Variants in RYR2 observed in about 807,000 individuals in gnomAD.
RYR2 encodes the protein ryanodine receptor 2, also known as cardiac muscle ryanodine receptor-calcium release channel.
Under a neutral mutation model 601.1 loss-of-function variants are expected in RYR2, and 227 were observed. The ratio of observed to expected loss-of-function variants is 0.38; its 90% CI spans 0.34 to 0.42. The LOEUF (loss-of-function observed/expected upper bound fraction) is 0.42. RYR2 is among the 10% of genes least tolerant of loss of function. The probability of loss-of-function intolerance (pLI) is 1.00; values close to 1 mark genes in which losing one functional copy is unlikely to be tolerated. For missense variants in RYR2, 4,646 were observed against 6,156.5 expected (o/e 0.75, Z 8.21); for synonymous variants, 2,223 against 2,175.1 (o/e 1.02, Z -0.61).
chr1:237,383,105 G>T (rs1701671927), intron 8 of RYR2, among the ~76,000 whole-genome samples: 1 of 151,746 alleles, frequency 6.6e-6, no homozygotes, highest in Non-Finnish European at 1.5e-5. Context: ...AGAGATTCTT[G>T]GTACGAAGTT....
At chr1:237,059,291 C>T (rs747618062) in intron 1 of RYR2, among the ~76,000 whole-genome samples, 1 of 152,010 alleles carries the variant, frequency 6.6e-6, no homozygotes, top group Admixed American at 6.6e-5. Context: ...TGCCATCTAA[C>T]GTGAATAATG....
rs1449894425 is a variant in RYR2 at position 237,819,978 on chromosome 1, G to C, written c.14590+786G>C. On this transcript the variant is annotated intron_variant, in intron 101 of 104. Transcript: ENST00000366574. This position sits in a 1 kb window ranked among gnomAD's most constrained non-coding sequence, Gnocchi z 4.0. The stretch of plus-strand genomic sequence containing the variant: ...GAGGTGGGTGGATCACTTGAGGTCT[G>C]GAGTTCAAGACCAGCCTGGCCAATG... Among the ~76,000 whole-genome samples the C allele has an allele frequency of 6.6e-6, 1 of 152,088 alleles. No individual in the cohort carries two copies. Among genetic ancestry groups the C allele is most frequent in the East Asian group, 1.9e-4 (1 of 5,180 alleles).
intron 63 of RYR2, among the ~76,000 whole-genome samples, chr1:237,694,151 G>A (rs968492579): frequency 2.6e-5 from 4 of 151,860 alleles, no homozygotes; most frequent in South Asian, 2.1e-4. Context: ...AAAATTAGCC[G>A]GGCGTGGTGG....
intron 2 of RYR2, among the ~76,000 whole-genome samples, chr1:237,319,442 T>C (rs1485716854): frequency 6.6e-6 from 1 of 152,214 alleles, no homozygotes; most frequent in Non-Finnish European, 1.5e-5. Flanking sequence ...ATGTCTCTAT[T>C]GAAGGTTATT....
chr1:237,360,880 T>G (rs903379341), intron 4 of RYR2, among the ~76,000 whole-genome samples: 2 of 152,150 alleles, frequency 1.3e-5, no homozygotes, highest in Non-Finnish European at 2.9e-5. Context: ...TTCCATAGGA[T>G]TTATATAGAT....
chr1:237,792,238 G>C lies in RYR2; in HGVS notation c.13697G>C (p.Gly4566Ala). 1 of 1,613,824 alleles carries C rather than the reference G, an allele frequency of 6.2e-7. No homozygotes were observed. Among genetic ancestry groups the C allele is most frequent in the East Asian group, 2.2e-5 (1 of 44,868 alleles). Residue 4566 changes from glycine to alanine, a missense_variant, in exon 94 of 105, where the codon GGC becomes GCC. Physicochemically the swap from Gly to Ala is moderately conservative, Grantham distance 60 (BLOSUM62 0). Transcript: ENST00000366574. ...CACTATGTACTAGAGGAGAGCAGCG[G>C]CTACATGGAGCCCACGTTGCGTATC... ...AVHYVLEESS[G>A]YMEPTLRILA...
At chr1:237,445,293 T>G in intron 13 of RYR2, 108 bp from the exon 14 acceptor site, 2 of 1,418,656 alleles carry the variant, frequency 1.4e-6, no homozygotes, top group South Asian at 2.6e-5. Flanking sequence ...GTACCTGCCT[T>G]TTGATTCTAT....
intron 103 of RYR2, among the ~76,000 whole-genome samples, chr1:237,831,282 C>T: frequency 6.6e-6 from 1 of 152,106 alleles, no homozygotes; most frequent in East Asian, 1.9e-4. Context: ...TGATTCTGAC[C>T]AGTGTGTATA....
chr1:237,672,889 A>G (rs1685080391), intron 58 of RYR2, among the ~76,000 whole-genome samples: 1 of 152,166 alleles, frequency 6.6e-6, no homozygotes, highest in African/African-American at 2.4e-5. Flanking sequence ...CTTGACCAGC[A>G]CCTTCCATGT....
chr1:237,590,050 A>C, intron 30 of RYR2, 49 bp downstream of exon 30: 1 of 1,526,224 alleles, frequency 6.6e-7, no homozygotes, highest in East Asian at 2.3e-5. Flanking sequence ...GCAGGAAAAG[A>C]ATATCTTTAT....
chr1:237,393,449 G>C (rs1702558096), intron 10 of RYR2, among the ~76,000 whole-genome samples: 1 of 152,150 alleles, frequency 6.6e-6, no homozygotes, highest in African/African-American at 2.4e-5. Flanking sequence ...TCTCCATCTG[G>C]CTTAGAAAGA....
chr1:237,209,839 G>C (rs1476605569), intron 1 of RYR2, among the ~76,000 whole-genome samples: 1 of 152,140 alleles, frequency 6.6e-6, no homozygotes, highest in Non-Finnish European at 1.5e-5. Context: ...CTAGGTGACA[G>C]AGCAAGATCT....
chr1:237,776,302 C>T (rs1694653739), intron 87 of RYR2, among the ~76,000 whole-genome samples: 1 of 152,098 alleles, frequency 6.6e-6, no homozygotes, highest in Non-Finnish European at 1.5e-5. Flanking sequence ...AACTATAAAG[C>T]TACTATATCT....
At chr1:237,573,220 A>G (rs976282356) in intron 29 of RYR2, among the ~76,000 whole-genome samples, 9 of 105,554 alleles carry the variant, frequency 8.5e-5, no homozygotes, top group Non-Finnish European at 1.9e-4. Context: ...TTATCTATGG[A>G]GATATACACA....
Position 237,819,149 on chromosome 1 carries a change from T to A in RYR2, c.14547T>A (p.Thr4849=), listed in dbSNP as rs1211155802. Residue 4849 remains threonine (T), a synonymous_variant, in exon 101 of 105, where the codon ACT becomes ACA. Transcript: ENST00000366574. This position sits in a 1 kb window ranked among gnomAD's most constrained non-coding sequence, Gnocchi z 4.0. ...YEIYRIIFDI[T]FFFFVIVILL... is the part of the protein sequence containing the mutation. ...TCTATCGAATCATCTTTGACATCAC[T>A]TTCTTCTTCTTTGTTATTGTCATTC... is the stretch of plus-strand genomic sequence containing the variant. 1 of 1,613,732 alleles carries A rather than the reference T, an allele frequency of 6.2e-7. No individual in the cohort carries two copies. Among genetic ancestry groups the A allele is most frequent in the Non-Finnish European group, 8.5e-7 (1 of 1,179,756 alleles).
chr1:237,412,915 G>A (rs2150007353), intron 10 of RYR2, among the ~76,000 whole-genome samples: 1 of 152,194 alleles, frequency 6.6e-6, no homozygotes. Flanking sequence ...TAGAACAATT[G>A]TCCTCCTAGA....
At chr1:237,174,213 A>T (rs1306118004) in intron 1 of RYR2, among the ~76,000 whole-genome samples, 1 of 152,212 alleles carries the variant, frequency 6.6e-6, no homozygotes, top group Non-Finnish European at 1.5e-5. Context: ...GAAGGTGTAT[A>T]GTGAGGTTAG....
At chr1:237,618,894 A>G (rs564917573) in intron 38 of RYR2, among the ~76,000 whole-genome samples, 1 of 152,308 alleles carries the variant, frequency 6.6e-6, no homozygotes, top group African/African-American at 2.4e-5. Flanking sequence ...TTACCTTTCT[A>G]GCAAGGTTCA....
chr1:237,338,455 A>G (rs531687420), intron 3 of RYR2, among the ~76,000 whole-genome samples: 4 of 152,352 alleles, frequency 2.6e-5, no homozygotes, highest in African/African-American at 9.6e-5. Flanking sequence ...ATTACTTTTA[A>G]CAATAACATT....
Sources: allele counts gnomAD v4.1 joint callset (sites outside exome capture counted in the v4.1 genomes callset), GRCh38; gene constraint gnomAD v4.1.1; non-coding constraint Gnocchi (gnomAD v3.1); transcripts MANE v1.5; gene names NCBI Gene and HGNC (gene_info 2026-07-23, HGNC 2026-07-21).